LAMA2: variants seen among roughly 807,000 people sequenced by gnomAD.
LAMA2 encodes the protein laminin subunit alpha-2.
In LAMA2, 269 loss-of-function variants were observed where a neutral mutation model predicts 364.8. That is an observed-to-expected ratio of 0.74 (90% CI 0.67 to 0.82). LAMA2 has a LOEUF of 0.82. Ranked by LOEUF, LAMA2 falls within the 40% of genes least tolerant of loss-of-function variation. The pLI is 0.00. For missense variants in LAMA2, 3,807 were observed against 3,873.2 expected (o/e 0.98, Z 0.45); for synonymous variants, 1,379 against 1,370.6 (o/e 1.01, Z -0.14).
chr6:129,400,177 G>A (rs1012399697), intron 37 of LAMA2, among the ~76,000 whole-genome samples: 3 of 152,124 alleles, frequency 2.0e-5, no homozygotes, highest in African/African-American at 2.4e-5. Flanking sequence ...GCTCCTTCAG[G>A]TCTTTTTTAT....
At chr6:129,007,317 G>C (rs886829687) in intron 1 of LAMA2, among the ~76,000 whole-genome samples, 1 of 152,132 alleles carries the variant, frequency 6.6e-6, no homozygotes, top group East Asian at 1.9e-4. Flanking sequence ...ACTGTGGAGT[G>C]AGCTCCTGGA....
In LAMA2 at chr6:129,089,462, G is replaced by A. The variant is rs569653357; in HGVS notation, c.397-8711G>A. 5.3e-4 allele frequency among the ~76,000 whole-genome samples: 80 copies of A among 152,306 alleles called. 1 individual carries two copies. Among genetic ancestry groups the A allele is most frequent in the East Asian group, 1.9e-4 (1 of 5,182 alleles). Reference sequence around the variant, plus strand: ...AAATTTTAGAAGGCAAATTTAAACTGTCATATTTCTGATTGCCTGTGATTC... The same window carrying A: ...AAATTTTAGAAGGCAAATTTAAACTATCATATTTCTGATTGCCTGTGATTC... On this transcript the variant is annotated intron_variant, in intron 3 of 64. Transcript: ENST00000421865.
At chr6:128,941,414 G>T (rs970566204) in intron 1 of LAMA2, among the ~76,000 whole-genome samples, 5 of 152,074 alleles carry the variant, frequency 3.3e-5, no homozygotes, top group Admixed American at 2.6e-4. Context: ...TTGAAAAATG[G>T]ATCTGGGATA....
chr6:129,281,444 A>T (rs1583407899), intron 18 of LAMA2, among the ~76,000 whole-genome samples: 1 of 152,162 alleles, frequency 6.6e-6, no homozygotes, highest in South Asian at 2.1e-4. Context: ...GCTTTGCTTT[A>T]TGTACTATAC....
chr6:129,393,218 T>C lies in LAMA2; in HGVS notation c.5408T>C (p.Leu1803Pro). Residue 1803 changes from leucine (L) to proline (P), a missense_variant, in exon 37 of 65, where the codon CTA (leucine) becomes CCA (proline). Physicochemically the swap from Leu to Pro is moderately conservative, Grantham distance 98 (BLOSUM62 -3). This residue lies in a region of LAMA2 where 3,333 missense variants were observed against 3,345.7 expected (regional missense o/e 1.00). Transcript: ENST00000421865. ...GATAAAATCAGAGAAGCTAATCGCC[T>C]ATTTGCAGTAAATCAGAAAAACATG... ...ATDKIREANR[L>P]FAVNQKNMTA... is the part of the protein sequence containing the mutation. The C allele has an allele frequency of 1.2e-6, 2 of 1,614,040 alleles. No individual in the cohort carries two copies. Among genetic ancestry groups the C allele is most frequent in the Non-Finnish European group, 8.5e-7 (1 of 1,179,922 alleles).
At chr6:129,461,185 A>T (rs1432929076) in intron 49 of LAMA2, among the ~76,000 whole-genome samples, 1 of 152,020 alleles carries the variant, frequency 6.6e-6, no homozygotes, top group African/African-American at 2.4e-5. Flanking sequence ...CATAACAGCA[A>T]CTCAAAAACC....
At chr6:128,905,631 AT>A (rs1405395793) in intron 1 of LAMA2, 2 of 150,890 alleles carry the variant, frequency 1.3e-5, no homozygotes, top group African/African-American at 4.9e-5. Context: ...TTTTATTTTT[AT>A]TTTTTTCTTT....
chr6:129,174,298 T>C (rs1780420158), intron 9 of LAMA2, among the ~76,000 whole-genome samples: 1 of 152,138 alleles, frequency 6.6e-6, no homozygotes, highest in Admixed American at 6.5e-5. Flanking sequence ...TCAAACTACA[T>C]TTTGTTTTCC....
At chr6:129,039,135 GT>G (rs1250509543) in intron 1 of LAMA2, among the ~76,000 whole-genome samples, 1 of 152,104 alleles carries the variant, frequency 6.6e-6, no homozygotes, top group Non-Finnish European at 1.5e-5. Context: ...AAATACTAAA[GT>G]TACAGTATGA....
At chr6:129,107,530 C>T (rs1440869548) in intron 4 of LAMA2, among the ~76,000 whole-genome samples, 2 of 151,864 alleles carry the variant, frequency 1.3e-5, no homozygotes, top group Non-Finnish European at 2.9e-5. Context: ...AGTTGGAGGA[C>T]CAGAAGGAAT....
intron 3 of LAMA2, among the ~76,000 whole-genome samples, chr6:129,066,190 C>T (rs1474619976): frequency 2.0e-5 from 3 of 148,068 alleles, no homozygotes; most frequent in South Asian, 2.2e-4. Flanking sequence ...GGACTACAGG[C>T]GCCCGCCACT....
chr6:128,909,004 TTTG>T (rs1163441808), intron 1 of LAMA2, among the ~76,000 whole-genome samples: 1 of 146,800 alleles, frequency 6.8e-6, no homozygotes, highest in African/African-American at 2.6e-5. Context: ...TGAGAGATAG[TTTG>T]TTATAATTTC....
At chr6:129,023,512 C>G (rs1337744586) in intron 1 of LAMA2, among the ~76,000 whole-genome samples, 1 of 152,144 alleles carries the variant, frequency 6.6e-6, no homozygotes, top group Non-Finnish European at 1.5e-5. Flanking sequence ...TCAACTTGAT[C>G]TGTTGTACTT....
At chr6:129,390,236 GA>G in intron 35 of LAMA2, among the ~76,000 whole-genome samples, 1 of 152,234 alleles carries the variant, frequency 6.6e-6, no homozygotes, top group Admixed American at 6.5e-5. Context: ...CTCACCCCCA[GA>G]ATTTCTGAGT....
In LAMA2 at chr6:129,262,197, A is replaced by G. The variant is rs559716365; in HGVS notation, c.2208+1375A>G. Among the ~76,000 whole-genome samples the G allele has an allele frequency of 5.3e-5, 8 of 152,274 alleles. No homozygotes were observed. In the South Asian group the frequency reaches 8.3e-4, roughly 16 times the overall value. ...TCTCTCCTTCAAAAATATTTTCAATACATTCTAGATATGTTTGATAAATTC... is the reference window on the plus strand; with the variant it reads ...TCTCTCCTTCAAAAATATTTTCAATGCATTCTAGATATGTTTGATAAATTC... On this transcript the variant is annotated intron_variant, in intron 15 of 64. Coordinates refer to ENST00000421865, the MANE Select transcript of LAMA2 (RefSeq NM_000426.4).
intron 15 of LAMA2, among the ~76,000 whole-genome samples, chr6:129,265,024 C>T (rs1317008969): frequency 6.6e-6 from 1 of 152,032 alleles, no homozygotes; most frequent in East Asian, 1.9e-4. Context: ...GATGGAGACA[C>T]TAGATCATAT....
At chr6:129,500,739 C>T (rs1785567325) in intron 58 of LAMA2, among the ~76,000 whole-genome samples, 1 of 152,190 alleles carries the variant, frequency 6.6e-6, no homozygotes, top group African/African-American at 2.4e-5. Context: ...AGCTCAGGAC[C>T]AGTTTTGGAT....
chr6:129,207,430 A>C (rs1782752381), intron 12 of LAMA2, among the ~76,000 whole-genome samples: 1 of 152,200 alleles, frequency 6.6e-6, no homozygotes, highest in Non-Finnish European at 1.5e-5. Context: ...GTAATATCAA[A>C]ACAAGTATGT....
At chr6:129,167,038 AC>A (rs1311286499) in intron 9 of LAMA2, among the ~76,000 whole-genome samples, 1 of 152,194 alleles carries the variant, frequency 6.6e-6, no homozygotes, top group African/African-American at 2.4e-5. Context: ...TATTGTAAAA[AC>A]AATACATAGT....
Sources: gnomAD v4.1 joint callset for allele counts (sites outside exome capture counted in the v4.1 genomes callset) on GRCh38, gnomAD v4.1.1 for gene constraint, gnomAD v4.1.1 regional missense constraint, MANE v1.5 for transcripts, NCBI Gene and HGNC (gene_info 2026-07-23, HGNC 2026-07-21) for gene names.